GCA: variants seen among roughly 807,000 people sequenced by gnomAD.
The protein encoded by GCA is grancalcin, EF-hand calcium-binding protein.
In GCA, 30 loss-of-function variants were observed where a neutral mutation model predicts 32.6. The observed-to-expected ratio is 0.92, with a 90% CI of 0.69 to 1.25. The LOEUF (loss-of-function observed/expected upper bound fraction) is 1.25, where lower values mean the gene tolerates loss of function less well. Among genes scored for constraint, GCA ranks in the 50% most tolerant of loss-of-function variants. GCA has a pLI of 0.00. For missense variants in GCA, 291 were observed against 266.8 expected, an observed-to-expected ratio of 1.09 and a Z score of -0.63; for synonymous variants, 102 against 84.6, an observed-to-expected ratio of 1.21 and a Z score of -1.13.
At chr2:162,334,244 G>GT (rs1159962429) in intron 1 of GCA, among the ~76,000 whole-genome samples, 1 of 151,944 alleles carries the variant, frequency 6.6e-6, no homozygotes, top group African/African-American at 2.4e-5. Context: ...AAACAAAATT[G>GT]TAACTATGTA....
Position 162,344,224 on chromosome 2 carries a change from G to C in GCA, c.-25G>C, listed in dbSNP as rs776295741. 1 of 1,613,554 alleles carries C rather than the reference G, an allele frequency of 6.2e-7. No individual in the cohort carries two copies. Among genetic ancestry groups the C allele is most frequent in the East Asian group, 2.2e-5 (1 of 44,850 alleles). On this transcript the variant is annotated 5_prime_UTR_variant, in exon 1 of 8. Coordinates refer to ENST00000437150, the MANE Select transcript of GCA (RefSeq NM_012198.5). ...ACTGCGGACGCGACTCGAGGGTGAC[G>C]CTCGCTCCGCTCGTCCCGCTCGTCA...
At chr2:162,343,435 GT>G (rs1684514740), upstream of GCA, among the ~76,000 whole-genome samples, 1 of 152,198 alleles carries the variant, frequency 6.6e-6, no homozygotes, top group African/African-American at 2.4e-5. Context: ...CAGCAAATAA[GT>G]TTTTAGTGTA....
intron 1 of GCA, among the ~76,000 whole-genome samples, chr2:162,328,589 C>T (rs943421285): frequency 1.3e-5 from 2 of 152,078 alleles, no homozygotes; most frequent in African/African-American, 4.8e-5. Flanking sequence ...TGTGGGGCTC[C>T]GACCTCATGG....
At chr2:162,327,600 C>T (rs1683930991) in intron 1 of GCA, among the ~76,000 whole-genome samples, 1 of 152,174 alleles carries the variant, frequency 6.6e-6, no homozygotes. Flanking sequence ...GCTCCTGCTC[C>T]CCCTATTGGC....
At chr2:162,332,617 T>C (rs1684136339) in intron 1 of GCA, among the ~76,000 whole-genome samples, 1 of 152,050 alleles carries the variant, frequency 6.6e-6, no homozygotes, top group African/African-American at 2.4e-5. Context: ...CTTCAACTTG[T>C]GGTTCAGGAA....
chr2:162,327,278 C>T (rs1259837246), intron 1 of GCA, among the ~76,000 whole-genome samples: 2 of 152,108 alleles, frequency 1.3e-5, no homozygotes, highest in Non-Finnish European at 2.9e-5. Flanking sequence ...GTATCTCAAA[C>T]GTGCCTTGCT....
chr2:162,321,802 C>T (rs6730189), intron 1 of GCA, among the ~76,000 whole-genome samples: 17,818 of 149,684 alleles, frequency 0.12, 2,455 homozygotes, highest in African/African-American at 0.3. Context: ...CAGCCCACTA[C>T]GCTTATATAA....
intron 1 of GCA, among the ~76,000 whole-genome samples, chr2:162,330,196 G>A (rs1684027485): frequency 2.0e-5 from 3 of 152,162 alleles, no homozygotes; most frequent in Admixed American, 2.0e-4. Context: ...ACCCAGTAAT[G>A]GGATTGCTGG....
chr2:162,373,388 A>C, downstream of GCA: 2 of 1,002,250 alleles, frequency 2.0e-6, no homozygotes, highest in Non-Finnish European at 2.7e-6. Flanking sequence ...CCTTTTCCAC[A>C]GCACCCCAAG....
intron 2 of GCA, among the ~76,000 whole-genome samples, chr2:162,348,647 G>A (rs1485858960): frequency 1.3e-5 from 2 of 152,132 alleles, no homozygotes; most frequent in African/African-American, 2.4e-5. Flanking sequence ...GAAACTGCCA[G>A]TTCAAGTACA....
chr2:162,321,745 ACACACTAG>A (rs1351664468), intron 1 of GCA, among the ~76,000 whole-genome samples: 14 of 151,884 alleles, frequency 9.2e-5, no homozygotes, highest in Admixed American at 8.5e-4. Context: ...ATAGACTGTA[ACACACTAG>A]CACCAGCCTG....
chr2:162,366,300 G>T (rs887144193), downstream of GCA, among the ~76,000 whole-genome samples: 1 of 151,712 alleles, frequency 6.6e-6, no homozygotes, highest in Admixed American at 6.6e-5. Context: ...GTTTGATCAT[G>T]AATGGTACAG....
At chr2:162,359,398 G>C (rs1685456745) in intron 6 of GCA, 96 bp from the exon 7 acceptor site, 1 of 613,220 alleles carries the variant, frequency 1.6e-6, no homozygotes, top group Non-Finnish European at 2.9e-6. Flanking sequence ...ATATTTAATT[G>C]AATATGAAAT....
rs184993608 is a variant in GCA at position 162,328,736 on chromosome 2, G to A, written c.-31+9511G>A. ...CCAGCTCAATTAAACCCTCTACCTT[G>A]TTGCAAGGACAGAGGGCTTTCTGTA... is the stretch of plus-strand genomic sequence containing the variant. On this transcript the variant is annotated intron_variant, in intron 1 of 4. Coordinates refer to the GCA transcript ENST00000429691. Among the ~76,000 whole-genome samples, 3 of 152,276 alleles carry A rather than the reference G, an allele frequency of 2.0e-5. No homozygotes were observed. The East Asian group carries it at 5.8e-4, about 29-fold the overall frequency.
At chr2:162,373,351 A>G, downstream of GCA, 1 of 601,992 alleles carries the variant, frequency 1.7e-6, no homozygotes, top group South Asian at 6.1e-5. Context: ...CTATTTGAGT[A>G]GAAACAGAGA....
chr2:162,328,053 A>G (rs1017904130), intron 1 of GCA, among the ~76,000 whole-genome samples: 1 of 151,412 alleles, frequency 6.6e-6, no homozygotes, highest in Non-Finnish European at 1.5e-5. Flanking sequence ...GCACTGTGGG[A>G]GCCCCTTTCT....
intron 1 of GCA, chr2:162,344,612 G>A (rs1472300546): frequency 7.8e-6 from 3 of 384,352 alleles, no homozygotes; most frequent in Non-Finnish European, 1.4e-5. Flanking sequence ...TCCCTCCCCC[G>A]CCCCCCACTC....
At chr2:162,345,093 A>ACGGTGGTGGTGGTGG (rs1553464742) in intron 1 of GCA, among the ~76,000 whole-genome samples, 1 of 109,346 alleles carries the variant, frequency 9.1e-6, no homozygotes, top group Non-Finnish European at 1.9e-5. Context: ...CTTGGAGTTC[A>ACGGTGGTGGTGGTGG]TGGTGGTGGT....
downstream of GCA, among the ~76,000 whole-genome samples, chr2:162,365,584 G>A (rs1026302256): frequency 1.4e-4 from 21 of 151,704 alleles, no homozygotes; most frequent in Admixed American, 3.3e-4. Context: ...TTAGCCAGAT[G>A]TAAGTGAGCT....
Sources: gnomAD v4.1 joint callset for allele counts (sites outside exome capture counted in the v4.1 genomes callset) on GRCh38, gnomAD v4.1.1 for gene constraint, MANE v1.5 for transcripts, NCBI Gene and HGNC (gene_info 2026-07-23, HGNC 2026-07-21) for gene names.